TRPM3: variants seen among roughly 807,000 people sequenced by gnomAD.
The protein encoded by TRPM3 is transient receptor potential cation channel subfamily M member 3.
In TRPM3, 77 loss-of-function variants were observed where a neutral mutation model predicts 181.2. The observed-to-expected ratio is 0.42, with a 90% CI of 0.35 to 0.51. TRPM3 has a LOEUF of 0.51. Ranked by LOEUF, TRPM3 falls within the 20% of genes least tolerant of loss-of-function variation. The pLI, the probability that TRPM3 is intolerant of heterozygous loss-of-function variation, is 0.01. For missense variants in TRPM3, 1,759 were observed against 2,196.7 expected, an observed-to-expected ratio of 0.80 and a Z score of 3.98; for synonymous variants, 745 against 796.4, an observed-to-expected ratio of 0.94 and a Z score of 1.09.
chr9:71,064,022 C>G (rs924781181), intron 1 of TRPM3, among the ~76,000 whole-genome samples: 2 of 152,170 alleles, frequency 1.3e-5, no homozygotes, highest in Non-Finnish European at 2.9e-5. Flanking sequence ...CATGAGTAAA[C>G]AGCCAATAAG....
At chr9:70,885,981 T>A (rs1434987644) in intron 1 of TRPM3, among the ~76,000 whole-genome samples, 1 of 152,194 alleles carries the variant, frequency 6.6e-6, no homozygotes, top group Non-Finnish European at 1.5e-5. Context: ...AATTTTTCAA[T>A]CTGTATGTTG....
chr9:70,842,913 A>T, intron 5 of TRPM3, 90 bp downstream of exon 5: 1 of 1,316,056 alleles, frequency 7.6e-7, no homozygotes, highest in Non-Finnish European at 1.1e-6. Context: ...AGAATACTAT[A>T]ATGTGCACAT....
At chr9:71,171,673 G>C (rs2076865387) in intron 1 of TRPM3, among the ~76,000 whole-genome samples, 2 of 152,144 alleles carry the variant, frequency 1.3e-5, no homozygotes, top group Non-Finnish European at 2.9e-5. Flanking sequence ...ATGAGGAAAA[G>C]CACAGGGTGT....
chr9:71,339,567 T>A (rs912150656), intron 1 of TRPM3, among the ~76,000 whole-genome samples: 2 of 152,184 alleles, frequency 1.3e-5, no homozygotes, highest in East Asian at 3.9e-4. Context: ...AACTGCTGGG[T>A]CAAAGACACA....
Position 71,309,795 on chromosome 9 carries a change from T to C in TRPM3, c.183+136858A>G, listed in dbSNP as rs2087744756. 3.4e-5 allele frequency among the ~76,000 whole-genome samples: 5 copies of C among 145,876 alleles called. No individual in the cohort carries two copies. The South Asian group carries it at 1.0e-3, about 30-fold the overall frequency. ...CACATTCATTTCAACTAAAATGCCATGAAAGTATCATGGCAGAATTGACAA... is the reference window on the plus strand; with the variant it reads ...CACATTCATTTCAACTAAAATGCCACGAAAGTATCATGGCAGAATTGACAA... On this transcript the variant is annotated intron_variant, in intron 1 of 24. Coordinates refer to the TRPM3 transcript ENST00000357533.
At position 70,625,600 on chromosome 9, in the gene TRPM3, C is replaced by T. The variant is rs144783243; in HGVS notation, c.1633-83G>A. On this transcript the variant is annotated intron_variant, in intron 12 of 25. Coordinates refer to ENST00000677713, the MANE Select transcript of TRPM3 (RefSeq NM_001366145.2). This position sits in a 1 kb window ranked among gnomAD's most constrained non-coding sequence, Gnocchi z 4.8. ...AAATCAAAATATTTATTCAAGTCTT[C>T]AGCTGGGGAGAAAAAAACACCAGTG... The T allele has an allele frequency of 3.7e-4, 532 of 1,430,780 alleles. 1 individual carries two copies. In the African/African-American group the frequency reaches 6.9e-3, roughly 19 times the overall value. 88.6% of individuals were successfully genotyped at this position (1,430,780 alleles called of 1,614,324 possible). A position where few individuals can be genotyped will look rare whatever the true frequency, so the allele number is the denominator to read the frequency against.
chr9:71,344,104 G>A (rs74433273), intron 1 of TRPM3, among the ~76,000 whole-genome samples: 4,871 of 152,128 alleles, frequency 0.032, 111 homozygotes, highest in South Asian at 0.068. Context: ...GATGATAACT[G>A]ATGAATGTGG....
intron 1 of TRPM3, among the ~76,000 whole-genome samples, chr9:71,391,816 C>G (rs2093068824): frequency 6.6e-6 from 1 of 152,012 alleles, no homozygotes; most frequent in African/African-American, 2.4e-5. Flanking sequence ...TGAAATACTT[C>G]TAGTTCTTTC....
At chr9:70,583,315 C>A (rs559735995) in intron 22 of TRPM3, among the ~76,000 whole-genome samples, 2 of 152,326 alleles carry the variant, frequency 1.3e-5, no homozygotes, top group Non-Finnish European at 2.9e-5. Flanking sequence ...TCATAGCTTG[C>A]GCATGCTTTG....
chr9:70,750,515 G>A (rs2075950068), intron 8 of TRPM3, among the ~76,000 whole-genome samples: 9 of 152,180 alleles, frequency 5.9e-5, no homozygotes. Flanking sequence ...AGACAACAAG[G>A]TTTCCTTTCT....
At chr9:71,061,385 A>G (rs1264600169) in intron 1 of TRPM3, among the ~76,000 whole-genome samples, 2 of 152,146 alleles carry the variant, frequency 1.3e-5, no homozygotes, top group Non-Finnish European at 2.9e-5. Flanking sequence ...GAATCAACAG[A>G]GGTGGCCAGA....
At chr9:70,654,106 A>G (rs895460651) in intron 9 of TRPM3, among the ~76,000 whole-genome samples, 1 of 151,784 alleles carries the variant, frequency 6.6e-6, no homozygotes, top group Non-Finnish European at 1.5e-5. Context: ...TTGTTGTTTA[A>G]GGATCCTAAT....
chr9:70,604,964 C>CTTCTTTTTT lies in TRPM3; in HGVS notation c.2668-1495_2668-1494insAAAAAAGAA, dbSNP rs146874864. ...ACCATGCTCAGCTGAATGGATTCTT[C>CTTCTTTTTT]TTTTTTTTTGGAGACTGAGTCTCAC... is the stretch of plus-strand genomic sequence containing the variant. On this transcript the variant is annotated intron_variant, in intron 19 of 25. Coordinates refer to ENST00000677713, the MANE Select transcript of TRPM3 (RefSeq NM_001366145.2). 1.4e-4 allele frequency among the ~76,000 whole-genome samples: 18 copies of CTTCTTTTTT among 129,956 alleles called. 2 individuals carry two copies. The highest frequency in any genetic ancestry group is 4.1e-4 in the African/African-American group (14 of 33,804). 85.3% of individuals were successfully genotyped at this position (129,956 alleles called of 152,430 possible). A position where few individuals can be genotyped will look rare whatever the true frequency, so the allele number is the denominator to read the frequency against.
In TRPM3 at chr9:71,118,352, T is replaced by G. The variant is rs567766549; in HGVS notation, c.177+2826A>C. 3.9e-5 allele frequency among the ~76,000 whole-genome samples: 6 copies of G among 152,324 alleles called. No individual in the cohort carries two copies. The South Asian group carries it at 8.3e-4, about 21-fold the overall frequency. ...ATAATAAGTACATTCCAACACTCAT[T>G]GGGTTTAATTCATACTTCAGATATC... On this transcript the variant is annotated intron_variant, in intron 1 of 25. Coordinates refer to ENST00000677713, the MANE Select transcript of TRPM3 (RefSeq NM_001366145.2).
Position 70,611,090 on chromosome 9 carries a change from TC to T in TRPM3, c.2527-342del, listed in dbSNP as rs533983439. On this transcript the variant is annotated intron_variant, in intron 18 of 25. Transcript: ENST00000677713. Reference sequence around the variant, plus strand: ...CCAGGCTTCAGGAATCTATTCTTCCTCCCCACCTGCTCTCTTTCTATATATC... The same window carrying T: ...CCAGGCTTCAGGAATCTATTCTTCCTCCCACCTGCTCTCTTTCTATATATC... Among the ~76,000 whole-genome samples the T allele has an allele frequency of 1.7e-3, 254 of 152,294 alleles. 1 individual carries two copies. Among genetic ancestry groups the T allele is most frequent in the African/African-American group, 5.8e-3 (240 of 41,564 alleles).
At chr9:71,263,088 C>T (rs1380123817) in intron 1 of TRPM3, among the ~76,000 whole-genome samples, 7 of 152,216 alleles carry the variant, frequency 4.6e-5, no homozygotes, top group Admixed American at 1.3e-4. Flanking sequence ...CTAAAAATAA[C>T]TAATGATATC....
At chr9:70,754,037 G>T (rs893197943) in intron 8 of TRPM3, among the ~76,000 whole-genome samples, 2 of 152,102 alleles carry the variant, frequency 1.3e-5, no homozygotes, top group Non-Finnish European at 2.9e-5. Context: ...TACACTCCAG[G>T]GTATCAAAAG....
chr9:71,235,034 T>C (rs150624677), intron 1 of TRPM3, among the ~76,000 whole-genome samples: 6 of 152,376 alleles, frequency 3.9e-5, no homozygotes, highest in Non-Finnish European at 8.8e-5. Flanking sequence ...CTCTGTGATC[T>C]GGGTCCTGAT....
At chr9:70,743,552 CG>C (rs2074555962) in intron 8 of TRPM3, among the ~76,000 whole-genome samples, 1 of 151,890 alleles carries the variant, frequency 6.6e-6, no homozygotes, top group African/African-American at 2.4e-5. Flanking sequence ...TGTGGGTTTC[CG>C]ATTGGGTGGG....
Sources: allele counts gnomAD v4.1 joint callset (sites outside exome capture counted in the v4.1 genomes callset), GRCh38; gene constraint gnomAD v4.1.1; non-coding constraint Gnocchi (gnomAD v3.1); transcripts MANE v1.5; gene names NCBI Gene and HGNC (gene_info 2026-07-23, HGNC 2026-07-21).